WDPCP: variants seen among roughly 807,000 people sequenced by gnomAD.
WDPCP encodes the protein WD repeat containing planar cell polarity effector.
Under a neutral mutation model 93.1 loss-of-function variants are expected in WDPCP, and 71 were observed. The ratio of observed to expected loss-of-function variants is 0.76; its 90% CI spans 0.63 to 0.93. The LOEUF is 0.93. Among genes scored for constraint, WDPCP ranks in the 40% least tolerant of loss-of-function variants. The pLI is 0.00. For missense variants in WDPCP, 844 were observed against 887.4 expected (o/e 0.95, Z 0.62); for synonymous variants, 315 against 315.0 (o/e 1.00, Z 0.00).
intron 1 of WDPCP, among the ~76,000 whole-genome samples, chr2:63,542,241 C>CA (rs1704798232): frequency 6.6e-6 from 1 of 152,030 alleles, no homozygotes; most frequent in African/African-American, 2.4e-5. Flanking sequence ...GGGAAGGAAG[C>CA]ATTTTTTTTT....
At chr2:63,488,854 T>G (rs1700714421) in intron 2 of WDPCP, among the ~76,000 whole-genome samples, 1 of 151,942 alleles carries the variant, frequency 6.6e-6, no homozygotes, top group African/African-American at 2.4e-5. Flanking sequence ...TGTGCACAAG[T>G]CTGACCTACT....
At chr2:63,656,774 A>G (rs1710171757) in intron 2 of WDPCP, among the ~76,000 whole-genome samples, 1 of 152,262 alleles carries the variant, frequency 6.6e-6, no homozygotes, top group Non-Finnish European at 1.5e-5. Flanking sequence ...CAGACAATAA[A>G]ATAATAAACA....
chr2:63,270,422 T>C (rs1682537899), intron 13 of WDPCP, among the ~76,000 whole-genome samples: 1 of 151,948 alleles, frequency 6.6e-6, no homozygotes, highest in Non-Finnish European at 1.5e-5. Flanking sequence ...ACTATTTAAT[T>C]TTTTTTTATT....
At chr2:63,151,155 G>C (rs141981838) in intron 17 of WDPCP, among the ~76,000 whole-genome samples, 7 of 152,186 alleles carry the variant, frequency 4.6e-5, no homozygotes, top group African/African-American at 7.2e-5. Context: ...TTTCTTGATT[G>C]AATTTCATGT....
intron 3 of WDPCP, chr2:63,597,460 G>C: frequency 6.6e-7 from 1 of 1,506,762 alleles, no homozygotes; most frequent in Non-Finnish European, 8.9e-7. Context: ...CCATTCTTGT[G>C]GGCTCCATGC....
chr2:63,721,859 C>T (rs920659196), intron 2 of WDPCP, among the ~76,000 whole-genome samples: 2 of 152,174 alleles, frequency 1.3e-5, no homozygotes, highest in Admixed American at 6.5e-5. Context: ...CCTGACTCAG[C>T]CTGCCGAGTG....
chr2:63,675,897 C>G (rs1464191658), intron 2 of WDPCP, among the ~76,000 whole-genome samples: 4 of 152,136 alleles, frequency 2.6e-5, no homozygotes, highest in Non-Finnish European at 5.9e-5. Flanking sequence ...ACAACACAGA[C>G]AAATTTATGG....
Position 63,278,245 on chromosome 2 carries a change from T to C in WDPCP, c.1813-18836A>G, listed in dbSNP as rs945967916. On this transcript the variant is annotated intron_variant, in intron 13 of 17. Coordinates refer to ENST00000272321, the MANE Select transcript of WDPCP (RefSeq NM_015910.7). ...TAGTAACACAACCCATCAAAATCTC[T>C]GGGATACAGCAAAAGCGGTGCTAAG... 3.9e-5 allele frequency among the ~76,000 whole-genome samples: 6 copies of C among 152,262 alleles called. No homozygotes were observed. The East Asian group carries it at 7.7e-4, about 20-fold the overall frequency.
At chr2:63,216,096 T>C (rs1335770673) in intron 14 of WDPCP, among the ~76,000 whole-genome samples, 1 of 152,194 alleles carries the variant, frequency 6.6e-6, no homozygotes, top group Non-Finnish European at 1.5e-5. Context: ...GGAACACTTT[T>C]ACACTGTTGG....
chr2:63,588,937 TC>T (rs760252552), upstream of WDPCP: 37 of 1,535,972 alleles, frequency 2.4e-5, no homozygotes, highest in East Asian at 7.9e-4. Context: ...CGGAGCCTTT[TC>T]TCGCTAACAC....
rs1344116472 is a variant in WDPCP, at chr2:63,120,371, C to T, written c.*1635G>A. On this transcript the variant is annotated 3_prime_UTR_variant, in exon 18 of 18. Transcript: ENST00000272321. ...GAGTTTCACCTTTTTTTGTCATACC[C>T]TCTGGTAGAGGTACAGATAAATGGG... 1.3e-5 allele frequency among the ~76,000 whole-genome samples: 2 copies of T among 151,896 alleles called. No individual in the cohort carries two copies. The highest frequency in any genetic ancestry group is 2.9e-5 in the Non-Finnish European group (2 of 67,988).
At chr2:63,433,693 A>T in intron 9 of WDPCP, 52 bp downstream of exon 9, 1 of 1,434,480 alleles carries the variant, frequency 7.0e-7, no homozygotes, top group Non-Finnish European at 9.5e-7. Flanking sequence ...AAATCTAATA[A>T]TTCTATTTTA....
chr2:63,494,812 C>T (rs1248753292), intron 1 of WDPCP, among the ~76,000 whole-genome samples: 2 of 149,982 alleles, frequency 1.3e-5, no homozygotes, highest in African/African-American at 4.9e-5. Context: ...CCCACCTACT[C>T]GGGAGGCTGA....
intron 3 of WDPCP, among the ~76,000 whole-genome samples, chr2:63,640,352 C>T (rs1299148475): frequency 6.6e-6 from 1 of 152,140 alleles, no homozygotes; most frequent in African/African-American, 2.4e-5. Flanking sequence ...AAATTAGCTG[C>T]ATGTAGCAGT....
At chr2:63,225,949 A>T (rs1185508618) in intron 14 of WDPCP, among the ~76,000 whole-genome samples, 1 of 151,898 alleles carries the variant, frequency 6.6e-6, no homozygotes, top group African/African-American at 2.4e-5. Context: ...ATTTAGTTTC[A>T]TGGTCTGGAT....
At chr2:63,414,476 C>T (rs1325229214) in intron 9 of WDPCP, among the ~76,000 whole-genome samples, 1 of 151,052 alleles carries the variant, frequency 6.6e-6, no homozygotes, top group Admixed American at 6.6e-5. Flanking sequence ...CACATATACA[C>T]ACACACACAC....
intron 14 of WDPCP, among the ~76,000 whole-genome samples, chr2:63,236,487 C>T (rs1679403380): frequency 2.0e-5 from 3 of 152,190 alleles, no homozygotes; most frequent in Middle Eastern, 3.4e-3. Flanking sequence ...TTCCAAAATT[C>T]ACATGGAATT....
At chr2:63,284,280 G>T (rs1338532091) in intron 13 of WDPCP, among the ~76,000 whole-genome samples, 1 of 152,096 alleles carries the variant, frequency 6.6e-6, no homozygotes, top group Non-Finnish European at 1.5e-5. Flanking sequence ...GCATAAAGTA[G>T]TCCCCCCTTA....
chr2:63,451,963 T>C (rs1017607795), intron 6 of WDPCP, among the ~76,000 whole-genome samples: 29 of 152,298 alleles, frequency 1.9e-4, no homozygotes, highest in South Asian at 4.1e-4. Flanking sequence ...GAGCTATCTA[T>C]GACAAACCCA....
Sources: allele counts gnomAD v4.1 joint callset (sites outside exome capture counted in the v4.1 genomes callset), GRCh38; gene constraint gnomAD v4.1.1; transcripts MANE v1.5; gene names NCBI Gene and HGNC (gene_info 2026-07-23, HGNC 2026-07-21).